The following SCAPER variants were observed in gnomAD, a reference collection of about 807,000 sequenced individuals.
The protein encoded by SCAPER is S phase cyclin A-associated protein in the endoplasmic reticulum.
Under a neutral mutation model 182.2 loss-of-function variants are expected in SCAPER, and 98 were observed. The observed-to-expected ratio is 0.54, with a 90% CI of 0.46 to 0.64. The LOEUF (loss-of-function observed/expected upper bound fraction) is 0.64, where lower values mean the gene tolerates loss of function less well. Ranked by LOEUF, SCAPER falls within the 30% of genes least tolerant of loss-of-function variation. The probability of loss-of-function intolerance (pLI) is 0.00; values close to 1 mark genes in which losing one functional copy is unlikely to be tolerated. For synonymous variants in SCAPER, 605 were observed against 564.6 expected (o/e 1.07, Z -1.01); for missense variants, 1,432 against 1,690.0 (o/e 0.85, Z 2.68).
intron 1 of SCAPER, among the ~76,000 whole-genome samples, chr15:76,900,084 TTA>T (rs1201417693): frequency 3.3e-4 from 50 of 152,120 alleles, no homozygotes; most frequent in African/African-American, 1.1e-3. Flanking sequence ...CAACTCAGGG[TTA>T]AATGGATTAA....
chr15:76,426,481 G>A (rs777145738), intron 26 of SCAPER, among the ~76,000 whole-genome samples: 49 of 152,110 alleles, frequency 3.2e-4, no homozygotes, highest in Non-Finnish European at 6.5e-4. Flanking sequence ...CTTCTGCGTC[G>A]CTCATGCTGG....
At chr15:76,604,585 G>GAA (rs1196833285) in intron 22 of SCAPER, among the ~76,000 whole-genome samples, 4 of 64,252 alleles carry the variant, frequency 6.2e-5, no homozygotes, top group Admixed American at 2.3e-4. Flanking sequence ...AGCTTGATGG[G>GAA]GATGGCATTG....
At chr15:76,394,691 A>G (rs1187820647) in intron 27 of SCAPER, among the ~76,000 whole-genome samples, 1 of 152,168 alleles carries the variant, frequency 6.6e-6, no homozygotes, top group Non-Finnish European at 1.5e-5. Context: ...TTAAAAATTC[A>G]TTTTATGTTT....
chr15:76,632,957 T>A (rs755488411), intron 21 of SCAPER, among the ~76,000 whole-genome samples: 1 of 151,870 alleles, frequency 6.6e-6, no homozygotes, highest in African/African-American at 2.4e-5. Context: ...GTATTTTTAA[T>A]AGAGACAGGG....
At chr15:76,476,245 GT>G (rs2143008116) in intron 24 of SCAPER, among the ~76,000 whole-genome samples, 1 of 152,244 alleles carries the variant, frequency 6.6e-6, no homozygotes, top group South Asian at 2.1e-4. Context: ...ACATTCTGTG[GT>G]TTCTTGGGTG....
intron 22 of SCAPER, among the ~76,000 whole-genome samples, chr15:76,605,033 GC>G (rs1446055280): frequency 6.6e-6 from 1 of 152,092 alleles, no homozygotes; most frequent in Admixed American, 6.5e-5. Context: ...CTGCCTGATT[GC>G]CCTGGCCAGA....
At chr15:76,676,777 G>A (rs2057392700) in intron 20 of SCAPER, among the ~76,000 whole-genome samples, 1 of 151,400 alleles carries the variant, frequency 6.6e-6, no homozygotes, top group African/African-American at 2.4e-5. Flanking sequence ...ATAAATGTGT[G>A]AGTTTTATAT....
chr15:76,610,880 A>G (rs944705504), intron 22 of SCAPER, among the ~76,000 whole-genome samples: 3 of 152,224 alleles, frequency 2.0e-5, no homozygotes, highest in Admixed American at 6.5e-5. Context: ...ATCCCTATCA[A>G]AATTCCAAAA....
chr15:76,523,706 G>A (rs1481652425), intron 23 of SCAPER, among the ~76,000 whole-genome samples: 1 of 152,024 alleles, frequency 6.6e-6, no homozygotes, highest in African/African-American at 2.4e-5. Context: ...GAGCACAGAA[G>A]AGTAATAACG....
chr15:76,791,800 G>A (rs2065022300), intron 8 of SCAPER, among the ~76,000 whole-genome samples: 1 of 152,000 alleles, frequency 6.6e-6, no homozygotes, highest in South Asian at 2.1e-4. Flanking sequence ...AGTGGCCTTG[G>A]CGAACATTCT....
At chr15:76,710,612 G>C (rs1395133295) in intron 17 of SCAPER, among the ~76,000 whole-genome samples, 1 of 151,944 alleles carries the variant, frequency 6.6e-6, no homozygotes, top group African/African-American at 2.4e-5. Flanking sequence ...ACAAAACCTT[G>C]TTGTCAGAAA....
intron 4 of SCAPER, among the ~76,000 whole-genome samples, chr15:76,844,198 G>A (rs1007943826): frequency 6.8e-6 from 1 of 147,454 alleles, no homozygotes; most frequent in South Asian, 2.2e-4. Flanking sequence ...TGCAAAAGAA[G>A]TTTCACACAA....
rs1463634809 is a variant in SCAPER, at chr15:76,434,195, A to G, written c.3194T>C (p.Ile1065Thr). 6.2e-7 allele frequency: 1 copy of G among 1,613,962 alleles called. No homozygotes were observed. Among genetic ancestry groups the G allele is most frequent in the Admixed American group, 1.7e-5 (1 of 60,014 alleles). ...KVSAVVLGCL[I>T]ANRPDGNCQP... ...GCAGTTTCCATCTGGTCGATTGGCA[A>G]TCAGGCAGCCCAAAACCACAGCACT... Residue 1065 changes from isoleucine (I) to threonine (T), a missense_variant, in exon 26 of 32, where the codon ATT (isoleucine) becomes ACT (threonine). Around this residue, in one of 5 missense-constraint regions of SCAPER, gnomAD observed 718 missense variants for 799.7 expected, o/e 0.90. Coordinates refer to ENST00000563290, the MANE Select transcript of SCAPER (RefSeq NM_020843.4).
At chr15:76,466,354 A>T (rs139408678) in intron 25 of SCAPER, among the ~76,000 whole-genome samples, 62 of 143,676 alleles carry the variant, frequency 4.3e-4, no homozygotes, top group African/African-American at 1.4e-3. Context: ...TCTGCTGTTG[A>T]ACCCCTATTG....
At chr15:76,448,083 C>T (rs1160227191) in intron 25 of SCAPER, among the ~76,000 whole-genome samples, 5 of 152,108 alleles carry the variant, frequency 3.3e-5, no homozygotes, top group Non-Finnish European at 7.4e-5. Flanking sequence ...GATAGTTGGA[C>T]TAGTGGTGTA....
chr15:76,403,103 AAG>A (rs1440292719), intron 27 of SCAPER, among the ~76,000 whole-genome samples: 1 of 152,180 alleles, frequency 6.6e-6, no homozygotes, highest in African/African-American at 2.4e-5. Context: ...TGTGTTCAAA[AAG>A]AGAGAGGGTC....
chr15:76,371,395 C>T (rs565225844), intron 29 of SCAPER, among the ~76,000 whole-genome samples: 2 of 151,540 alleles, frequency 1.3e-5, no homozygotes, highest in Non-Finnish European at 2.9e-5. Context: ...TCTCGGCTCA[C>T]CGCAACCTCC....
At chr15:76,897,512 C>T (rs768521750) in intron 1 of SCAPER, among the ~76,000 whole-genome samples, 1 of 152,050 alleles carries the variant, frequency 6.6e-6, no homozygotes, top group African/African-American at 2.4e-5. Flanking sequence ...TCAAGACCAG[C>T]CTGGACAACA....
At chr15:76,438,809 A>G (rs2047371013) in intron 25 of SCAPER, among the ~76,000 whole-genome samples, 1 of 152,162 alleles carries the variant, frequency 6.6e-6, no homozygotes, top group Non-Finnish European at 1.5e-5. Context: ...TTTTTCATAG[A>G]AAATTTCATT....
Sources: gnomAD v4.1 joint callset for allele counts (sites outside exome capture counted in the v4.1 genomes callset) on GRCh38, gnomAD v4.1.1 for gene constraint, gnomAD v4.1.1 regional missense constraint, MANE v1.5 for transcripts, NCBI Gene and HGNC (gene_info 2026-07-23, HGNC 2026-07-21) for gene names.